The following ZFHX3 variants were observed in gnomAD, a reference collection of about 807,000 sequenced individuals.
ZFHX3 encodes zinc finger homeobox protein 3.
ZFHX3 carries 42 observed loss-of-function variants against 279.1 expected under a neutral mutation model. That is an observed-to-expected ratio of 0.15 (90% confidence interval 0.12 to 0.19). The LOEUF is 0.19. Among genes scored for constraint, ZFHX3 ranks in the 10% least tolerant of loss-of-function variants. The pLI is 1.00. For missense variants in ZFHX3, 4,981 were observed against 4,754.0 expected, an observed-to-expected ratio of 1.05 and a Z score of -1.40; for synonymous variants, 2,293 against 1,957.8, an observed-to-expected ratio of 1.17 and a Z score of -4.52.
chr16:73,304,909 A>G (rs994295031), intron 4 of ZFHX3, among the ~76,000 whole-genome samples: 1 of 152,082 alleles, frequency 6.6e-6, no homozygotes, highest in East Asian at 1.9e-4. Flanking sequence ...TACCTGCAAT[A>G]TGTCTTTGGG....
At chr16:73,885,045 T>TCC (rs1205661456) in intron 1 of ZFHX3, among the ~76,000 whole-genome samples, 1 of 151,972 alleles carries the variant, frequency 6.6e-6, no homozygotes, top group Non-Finnish European at 1.5e-5. Context: ...CCCCTTTCTT[T>TCC]CCCCCCACCC....
chr16:73,273,270 A>C (rs1467680287), intron 4 of ZFHX3, among the ~76,000 whole-genome samples: 6 of 152,232 alleles, frequency 3.9e-5, no homozygotes, highest in Non-Finnish European at 8.8e-5. Context: ...CATTTGAAAA[A>C]CATTTATGAA....
intron 2 of ZFHX3, among the ~76,000 whole-genome samples, chr16:73,648,769 G>C (rs982461474): frequency 6.6e-6 from 1 of 152,108 alleles, no homozygotes; most frequent in Non-Finnish European, 1.5e-5. Context: ...ATGGACAATT[G>C]ATAGTCTAAG....
At position 73,712,100 on chromosome 16, in the gene ZFHX3, G is replaced by A. The variant is rs752552724; in HGVS notation, c.-1607-31860C>T. 2.4e-4 allele frequency among the ~76,000 whole-genome samples: 36 copies of A among 152,322 alleles called. 1 individual carries two copies. Among genetic ancestry groups the A allele is most frequent in the Admixed American group, 4.6e-4 (7 of 15,294 alleles). On this transcript the variant is annotated intron_variant, in intron 1 of 17. Coordinates refer to the ZFHX3 transcript ENST00000641206. ...TACGGAGGATGGAGAGATGAGGGAG[G>A]AATGGTGAGGTCTGGTCCTGAGCCT...
At chr16:73,045,831 G>A (rs1965279680) in intron 1 of ZFHX3, among the ~76,000 whole-genome samples, 1 of 147,380 alleles carries the variant, frequency 6.8e-6, no homozygotes, top group African/African-American at 2.5e-5. Flanking sequence ...AGAGAGGGAA[G>A]TGACCCATGT....
intron 1 of ZFHX3, among the ~76,000 whole-genome samples, chr16:73,818,212 T>C (rs1597129714): frequency 6.6e-6 from 1 of 152,322 alleles, no homozygotes; most frequent in East Asian, 1.9e-4. Flanking sequence ...CAACTGTTTA[T>C]AGTATGACAG....
intron 1 of ZFHX3, among the ~76,000 whole-genome samples, chr16:73,716,423 G>T (rs981032581): frequency 1.3e-5 from 2 of 152,110 alleles, no homozygotes; most frequent in African/African-American, 4.8e-5. Flanking sequence ...TAAGCTGCTG[G>T]CCAGGAAATC....
At chr16:73,374,087 C>G (rs1295525402) in intron 3 of ZFHX3, among the ~76,000 whole-genome samples, 1 of 152,146 alleles carries the variant, frequency 6.6e-6, no homozygotes, top group African/African-American at 2.4e-5. Context: ...CCATCAGAAT[C>G]ACCTATCGAC....
At chr16:72,986,023 A>G (rs1962824881) in intron 1 of ZFHX3, among the ~76,000 whole-genome samples, 1 of 152,126 alleles carries the variant, frequency 6.6e-6, no homozygotes, top group South Asian at 2.1e-4. Context: ...TGCCATTTCA[A>G]GGTCTTCCAT....
intron 5 of ZFHX3, among the ~76,000 whole-genome samples, chr16:72,816,752 A>G (rs958240034): frequency 1.3e-5 from 2 of 152,212 alleles, no homozygotes; most frequent in African/African-American, 4.8e-5. Context: ...AAACCTGTTC[A>G]TGATTGTCTA....
At chr16:73,742,818 G>T (rs118068068) in intron 1 of ZFHX3, among the ~76,000 whole-genome samples, 2,587 of 152,282 alleles carry the variant, frequency 0.017, 30 homozygotes, top group Non-Finnish European at 0.023. Context: ...GTTGCCTAGG[G>T]TATACACCTT....
chr16:73,719,832 C>A (rs936908403), intron 1 of ZFHX3, among the ~76,000 whole-genome samples: 8 of 151,714 alleles, frequency 5.3e-5, no homozygotes, highest in African/African-American at 1.9e-4. Context: ...AGGGTTTCTC[C>A]GTGTTGGTCA....
intron 1 of ZFHX3, among the ~76,000 whole-genome samples, chr16:73,706,796 C>T (rs1452392687): frequency 1.3e-5 from 2 of 152,136 alleles, no homozygotes; most frequent in African/African-American, 4.8e-5. Flanking sequence ...TCTTCCGTTC[C>T]CCCACCCTCC....
chr16:73,522,579 A>T (rs765807310), intron 2 of ZFHX3, among the ~76,000 whole-genome samples: 79 of 152,264 alleles, frequency 5.2e-4, no homozygotes, highest in Non-Finnish European at 9.4e-4. Context: ...AGCAGCCCAG[A>T]CCATGTCCAA....
chr16:73,699,678 A>C (rs2053229319), intron 1 of ZFHX3, among the ~76,000 whole-genome samples: 1 of 152,200 alleles, frequency 6.6e-6, no homozygotes. Context: ...TGAAGCTGAC[A>C]CTGTTATTAT....
At chr16:73,283,392 G>A (rs2014505924) in intron 4 of ZFHX3, among the ~76,000 whole-genome samples, 1 of 152,198 alleles carries the variant, frequency 6.6e-6, no homozygotes, top group Non-Finnish European at 1.5e-5. Flanking sequence ...TCAAGACCAA[G>A]GGGAAAGGGT....
At chr16:73,046,620 G>C (rs955518240) in intron 1 of ZFHX3, among the ~76,000 whole-genome samples, 11 of 152,022 alleles carry the variant, frequency 7.2e-5, no homozygotes, top group Admixed American at 1.3e-4. Context: ...CTGCTTGACG[G>C]CAAGGAAACA....
At chr16:73,591,812 A>G (rs2052002495) in intron 2 of ZFHX3, among the ~76,000 whole-genome samples, 1 of 55,906 alleles carries the variant, frequency 1.8e-5, no homozygotes, top group East Asian at 5.1e-4. Context: ...ATCTTGATTC[A>G]AGGAAATGGT....
chr16:73,870,818 C>A (rs892560771), intron 1 of ZFHX3, among the ~76,000 whole-genome samples: 7 of 152,202 alleles, frequency 4.6e-5, no homozygotes, highest in Non-Finnish European at 8.8e-5. Flanking sequence ...GGCAGCAACT[C>A]AGGCGTGGGT....
Sources: gnomAD v4.1 joint callset for allele counts (sites outside exome capture counted in the v4.1 genomes callset) on GRCh38, gnomAD v4.1.1 for gene constraint, MANE v1.5 for transcripts, NCBI Gene and HGNC (gene_info 2026-07-23, HGNC 2026-07-21) for gene names.